The following CPNE4 variants were observed in gnomAD, a reference collection of about 807,000 sequenced individuals.
The protein encoded by CPNE4 is copine 4.
In CPNE4, 25 loss-of-function variants were observed where a neutral mutation model predicts 67.9. The observed-to-expected ratio is 0.37, with a 90% CI of 0.27 to 0.51. The LOEUF is 0.51. Among genes scored for constraint, CPNE4 ranks in the 20% least tolerant of loss-of-function variants. The probability of loss-of-function intolerance (pLI) is 0.93; values close to 1 mark genes in which losing one functional copy is unlikely to be tolerated. For missense variants in CPNE4, 464 were observed against 690.8 expected, an observed-to-expected ratio of 0.67 and a Z score of 3.68; for synonymous variants, 242 against 244.9, an observed-to-expected ratio of 0.99 and a Z score of 0.11.
rs889626367 is a variant in CPNE4 at position 131,721,117 on chromosome 3, T to C, written c.360+2329A>G. ...CTTATGATAATCGCCATTTAATTAA[T>C]TGTTGTGTAATTATTTTCATTCCAT... is the stretch of plus-strand genomic sequence containing the variant. On this transcript the variant is annotated intron_variant, in intron 3 of 15. Transcript: ENST00000429747. Among the ~76,000 whole-genome samples the C allele has an allele frequency of 3.9e-5, 6 of 152,182 alleles. No homozygotes were observed. In the South Asian group the frequency reaches 1.0e-3, roughly 26 times the overall value.
intron 2 of CPNE4, among the ~76,000 whole-genome samples, chr3:131,880,176 C>G (rs9828254): frequency 0.63 from 93,130 of 147,828 alleles, 29,570 homozygotes; most frequent in Admixed American, 0.72. Context: ...GCCCAGGCTG[C>G]AGTGCAGTGG....
At chr3:131,587,615 A>G (rs763489577) in intron 7 of CPNE4, 33 bp from the exon 8 acceptor site, 4 of 1,484,938 alleles carry the variant, frequency 2.7e-6, no homozygotes, top group Non-Finnish European at 3.8e-6. Flanking sequence ...TTCTTAAAAA[A>G]TTAAGAATGT....
At chr3:131,555,411 C>T (rs961253581) in intron 12 of CPNE4, 86 bp downstream of exon 12, 3 of 1,172,730 alleles carry the variant, frequency 2.6e-6, no homozygotes, top group South Asian at 2.6e-5. Context: ...AGGTCAGAGT[C>T]AGGAGTGTGA....
At chr3:131,914,534 A>ATCAT (rs1456410173) in intron 1 of CPNE4, among the ~76,000 whole-genome samples, 1 of 152,056 alleles carries the variant, frequency 6.6e-6, no homozygotes, top group Non-Finnish European at 1.5e-5. Context: ...CAGGACTTTA[A>ATCAT]TCATTACACA....
intron 7 of CPNE4, among the ~76,000 whole-genome samples, chr3:131,617,519 C>T (rs1940222040): frequency 1.3e-5 from 2 of 152,202 alleles, no homozygotes; most frequent in South Asian, 4.1e-4. Context: ...ATTTCTAATA[C>T]AGACGCCTTT....
chr3:131,677,604 T>C (rs1298939107), intron 6 of CPNE4, among the ~76,000 whole-genome samples: 3 of 152,234 alleles, frequency 2.0e-5, no homozygotes, highest in Non-Finnish European at 4.4e-5. Context: ...GAGTTAATTT[T>C]TCTTTATGGT....
At chr3:131,866,754 A>C (rs568862711) in intron 2 of CPNE4, among the ~76,000 whole-genome samples, 28 of 152,236 alleles carry the variant, frequency 1.8e-4, no homozygotes, top group Non-Finnish European at 4.0e-4. Flanking sequence ...TAAAAAGATC[A>C]GATAACATGG....
intron 2 of CPNE4, among the ~76,000 whole-genome samples, chr3:131,858,084 G>T (rs1336750351): frequency 1.3e-5 from 2 of 151,972 alleles, no homozygotes; most frequent in Non-Finnish European, 2.9e-5. Flanking sequence ...ATCCATGTTT[G>T]CAAGTTAATT....
chr3:131,591,888 C>G (rs1390505257), intron 7 of CPNE4, among the ~76,000 whole-genome samples: 1 of 152,150 alleles, frequency 6.6e-6, no homozygotes, highest in Non-Finnish European at 1.5e-5. Context: ...GAGGCAGAGT[C>G]CTTGGTGTGA....
At chr3:131,692,153 A>G (rs1219324998) in intron 5 of CPNE4, among the ~76,000 whole-genome samples, 1 of 152,178 alleles carries the variant, frequency 6.6e-6, no homozygotes, top group African/African-American at 2.4e-5. Flanking sequence ...GTTCATACCC[A>G]TGACGGTGAT....
chr3:131,778,962 A>G (rs2083361795), intron 2 of CPNE4, among the ~76,000 whole-genome samples: 1 of 152,082 alleles, frequency 6.6e-6, no homozygotes, highest in Non-Finnish European at 1.5e-5. Flanking sequence ...AAAGGTTTCT[A>G]GATCTAATAA....
At chr3:131,959,295 C>A (rs1185139063) in intron 1 of CPNE4, among the ~76,000 whole-genome samples, 1 of 29,732 alleles carries the variant, frequency 3.4e-5, no homozygotes, top group Admixed American at 5.6e-4. Context: ...CCACCGCGCC[C>A]GGCCGATACA....
At chr3:131,816,584 A>T (rs567275079) in intron 2 of CPNE4, among the ~76,000 whole-genome samples, 5 of 152,332 alleles carry the variant, frequency 3.3e-5, no homozygotes, top group African/African-American at 1.2e-4. Context: ...CTCACTTTAG[A>T]ACAAGATACA....
chr3:131,863,169 A>T (rs1370664480), intron 2 of CPNE4, among the ~76,000 whole-genome samples: 1 of 152,188 alleles, frequency 6.6e-6, no homozygotes. Flanking sequence ...CAATAAATAT[A>T]CGTGTGCATG....
chr3:131,578,386 C>T (rs1208867186), intron 9 of CPNE4, among the ~76,000 whole-genome samples: 1 of 152,078 alleles, frequency 6.6e-6, no homozygotes, highest in Non-Finnish European at 1.5e-5. Flanking sequence ...CTGGCCATTC[C>T]TTCATGTCTC....
chr3:131,891,897 C>T (rs1443619858), intron 2 of CPNE4, among the ~76,000 whole-genome samples: 1 of 152,044 alleles, frequency 6.6e-6, no homozygotes, highest in Non-Finnish European at 1.5e-5. Flanking sequence ...ATCTCACCTC[C>T]ACAAAAAGAG....
chr3:131,727,675 A>G lies in CPNE4; in HGVS notation c.181-4050T>C, dbSNP rs2082032370. On this transcript the variant is annotated intron_variant, in intron 2 of 15. Transcript: ENST00000429747. ...ATGTTTTGACACATATATACTTGTG[A>G]AAACATCACCACAATCAAGAGAGTG... Among the ~76,000 whole-genome samples, 3 of 152,318 alleles carry G rather than the reference A, an allele frequency of 2.0e-5. No homozygotes were observed. In the South Asian group the frequency reaches 6.2e-4, roughly 32 times the overall value.
chr3:131,608,671 G>A (rs1035674032), intron 7 of CPNE4, among the ~76,000 whole-genome samples: 12 of 152,060 alleles, frequency 7.9e-5, no homozygotes, highest in Non-Finnish European at 1.5e-4. Context: ...GAGAGGAAGG[G>A]CAAGAACAGT....
chr3:132,026,595 C>A (rs1455295866), intron 1 of CPNE4, among the ~76,000 whole-genome samples: 2 of 152,094 alleles, frequency 1.3e-5, no homozygotes, highest in Non-Finnish European at 2.9e-5. Flanking sequence ...TAATATCTAA[C>A]CCACAGAATA....
Sources: allele counts gnomAD v4.1 joint callset (sites outside exome capture counted in the v4.1 genomes callset), GRCh38; gene constraint gnomAD v4.1.1; transcripts MANE v1.5; gene names NCBI Gene and HGNC (gene_info 2026-07-23, HGNC 2026-07-21).